CSGALNACT1: variants seen among roughly 807,000 people sequenced by gnomAD.
The protein encoded by CSGALNACT1 is chondroitin sulfate N-acetylgalactosaminyltransferase 1.
CSGALNACT1 carries 52 observed loss-of-function variants against 51.0 expected under a neutral mutation model. The observed-to-expected ratio is 1.02, with a 90% CI of 0.82 to 1.29. CSGALNACT1 has a LOEUF of 1.29. Ranked by LOEUF, CSGALNACT1 falls within the 50% of genes most tolerant of loss-of-function variation. The pLI, the probability that CSGALNACT1 is intolerant of heterozygous loss-of-function variation, is 0.00. For synonymous variants in CSGALNACT1, 341 were observed against 254.4 expected, an observed-to-expected ratio of 1.34 and a Z score of -3.24; for missense variants, 935 against 679.2, an observed-to-expected ratio of 1.38 and a Z score of -4.19.
intron 1 of CSGALNACT1, among the ~76,000 whole-genome samples, chr8:19,736,730 G>GA (rs1297940421): frequency 1.3e-5 from 2 of 152,090 alleles, no homozygotes; most frequent in African/African-American, 4.8e-5. Context: ...CACAGAGGGA[G>GA]AAAAAAGATA....
chr8:19,738,007 G>C (rs528025614), intron 1 of CSGALNACT1, among the ~76,000 whole-genome samples: 3 of 152,308 alleles, frequency 2.0e-5, no homozygotes, highest in Non-Finnish European at 4.4e-5. Context: ...TATTACCAAT[G>C]AACTGTACAC....
At chr8:19,583,146 G>A (rs911843529) in intron 3 of CSGALNACT1, among the ~76,000 whole-genome samples, 7 of 151,904 alleles carry the variant, frequency 4.6e-5, no homozygotes, top group African/African-American at 1.7e-4. Context: ...CGTATATTAT[G>A]TATCCAAAAA....
intron 4 of CSGALNACT1, among the ~76,000 whole-genome samples, chr8:19,491,202 CTA>C (rs1408215901): frequency 1.4e-4 from 22 of 152,008 alleles, no homozygotes; most frequent in African/African-American, 5.1e-4. Context: ...AGCCTTTGTC[CTA>C]TGTTAATATT....
intron 3 of CSGALNACT1, among the ~76,000 whole-genome samples, chr8:19,530,601 C>T (rs995760584): frequency 1.4e-4 from 21 of 152,124 alleles, no homozygotes; most frequent in African/African-American, 4.3e-4. Flanking sequence ...CACAGTGGCT[C>T]GCAGCTCGAG....
At chr8:19,541,346 G>A (rs889730613) in intron 3 of CSGALNACT1, among the ~76,000 whole-genome samples, 1 of 150,524 alleles carries the variant, frequency 6.6e-6, no homozygotes, top group Non-Finnish European at 1.5e-5. Flanking sequence ...TGCCTCCTGG[G>A]TTCATGCCAT....
At chr8:19,662,801 G>C (rs1408474237) in intron 1 of CSGALNACT1, among the ~76,000 whole-genome samples, 1 of 152,152 alleles carries the variant, frequency 6.6e-6, no homozygotes, top group African/African-American at 2.4e-5. Flanking sequence ...GCAGTGGAGA[G>C]ACAGCACACC....
At chr8:19,747,929 A>T (rs2064782951) in intron 1 of CSGALNACT1, among the ~76,000 whole-genome samples, 1 of 152,242 alleles carries the variant, frequency 6.6e-6, no homozygotes, top group African/African-American at 2.4e-5. Flanking sequence ...TAAAAGATGA[A>T]AGAAATCTCC....
At chr8:19,742,055 T>A (rs930518351) in intron 1 of CSGALNACT1, among the ~76,000 whole-genome samples, 2 of 152,196 alleles carry the variant, frequency 1.3e-5, no homozygotes, top group African/African-American at 4.8e-5. Flanking sequence ...AGTGCCTGCC[T>A]CACAGGGTTT....
At chr8:19,410,361 T>C (rs1298564281) in intron 8 of CSGALNACT1, among the ~76,000 whole-genome samples, 1 of 152,194 alleles carries the variant, frequency 6.6e-6, no homozygotes, top group Non-Finnish European at 1.5e-5. Flanking sequence ...TTTTTTAAAA[T>C]ATGGACTTTG....
intron 1 of CSGALNACT1, among the ~76,000 whole-genome samples, chr8:19,633,210 G>A (rs965638270): frequency 2.0e-5 from 3 of 152,126 alleles, no homozygotes; most frequent in African/African-American, 2.4e-5. Context: ...TCCCCAGGTC[G>A]TCGGTGAATC....
chr8:19,545,484 A>C (rs1347081262), intron 3 of CSGALNACT1, among the ~76,000 whole-genome samples: 1 of 152,134 alleles, frequency 6.6e-6, no homozygotes, highest in Non-Finnish European at 1.5e-5. Flanking sequence ...AAACATGATC[A>C]TTGATTTCTG....
At chr8:19,475,664 G>A (rs1180674439) in intron 4 of CSGALNACT1, among the ~76,000 whole-genome samples, 1 of 152,122 alleles carries the variant, frequency 6.6e-6, no homozygotes, top group Non-Finnish European at 1.5e-5. Context: ...AAGCACACAA[G>A]CAAACAACTT....
chr8:19,634,199 G>A (rs2055698907), intron 1 of CSGALNACT1, among the ~76,000 whole-genome samples: 2 of 152,194 alleles, frequency 1.3e-5, no homozygotes, highest in Admixed American at 1.3e-4. Flanking sequence ...TAAAACGTCT[G>A]TGGCTCAAAA....
chr8:19,463,983 G>A (rs1333169235), intron 4 of CSGALNACT1, among the ~76,000 whole-genome samples: 1 of 152,164 alleles, frequency 6.6e-6, no homozygotes, highest in Non-Finnish European at 1.5e-5. Context: ...TTCAACTGAG[G>A]ACCTTGACAA....
chr8:19,610,028 C>T (rs1181507510), intron 1 of CSGALNACT1, among the ~76,000 whole-genome samples: 1 of 151,864 alleles, frequency 6.6e-6, no homozygotes, highest in Non-Finnish European at 1.5e-5. Flanking sequence ...AGACGATCAG[C>T]CTGGCTAAGA....
intron 6 of CSGALNACT1, among the ~76,000 whole-genome samples, chr8:19,428,833 G>C (rs879737316): frequency 6.1e-5 from 5 of 82,310 alleles, no homozygotes; most frequent in Non-Finnish European, 5.8e-5. Context: ...ATATGTGTGT[G>C]TGTGTGTGTG....
At chr8:19,558,797 T>TA (rs2040050971) in intron 3 of CSGALNACT1, among the ~76,000 whole-genome samples, 1 of 152,038 alleles carries the variant, frequency 6.6e-6, no homozygotes, top group Non-Finnish European at 1.5e-5. Flanking sequence ...ATCCAGTTAT[T>TA]AAAAAAATGG....
chr8:19,753,447 T>A (rs781599287), intron 1 of CSGALNACT1, among the ~76,000 whole-genome samples: 9 of 152,208 alleles, frequency 5.9e-5, no homozygotes, highest in Non-Finnish European at 8.8e-5. Context: ...GACATTCTGC[T>A]AGATAAGACA....
intron 5 of CSGALNACT1, among the ~76,000 whole-genome samples, chr8:19,450,634 C>T (rs748985754): frequency 5.3e-5 from 8 of 152,144 alleles, no homozygotes; most frequent in South Asian, 2.1e-4. Context: ...CAGTAGCTCA[C>T]GCCTGTAATC....
Sources: allele counts gnomAD v4.1 joint callset (sites outside exome capture counted in the v4.1 genomes callset), GRCh38; gene constraint gnomAD v4.1.1; transcripts MANE v1.5; gene names NCBI Gene and HGNC (gene_info 2026-07-23, HGNC 2026-07-21).